The following IQCM variants were observed in gnomAD, a reference collection of about 807,000 sequenced individuals.
IQCM encodes IQ domain-containing protein M.
IQCM carries 45 observed loss-of-function variants against 57.6 expected under a neutral mutation model. That is an observed-to-expected ratio of 0.78 (90% CI 0.62 to 1.00). The LOEUF is 1.00. Among genes scored for constraint, IQCM ranks in the 50% least tolerant of loss-of-function variants. The pLI, the probability that IQCM is intolerant of heterozygous loss-of-function variation, is 0.00. For missense variants in IQCM, 468 were observed against 511.6 expected, an observed-to-expected ratio of 0.91 and a Z score of 0.82; for synonymous variants, 148 against 158.9, an observed-to-expected ratio of 0.93 and a Z score of 0.51.
intron 13 of IQCM, among the ~76,000 whole-genome samples, chr4:149,360,503 C>A (rs994835922): frequency 6.6e-6 from 1 of 152,090 alleles, no homozygotes; most frequent in Non-Finnish European, 1.5e-5. Context: ...TGTGTCCCCA[C>A]CAAAATCTCA....
intron 2 of IQCM, among the ~76,000 whole-genome samples, chr4:149,787,941 A>T (rs1211275200): frequency 6.6e-6 from 1 of 152,210 alleles, no homozygotes; most frequent in Non-Finnish European, 1.5e-5. Flanking sequence ...TGACAAAATA[A>T]TATTCAGAAT....
intron 13 of IQCM, among the ~76,000 whole-genome samples, chr4:149,429,179 G>A (rs954669374): frequency 1.3e-5 from 2 of 151,630 alleles, no homozygotes; most frequent in African/African-American, 2.4e-5. Context: ...AAAGCTTAAC[G>A]AAGGAGAGAA....
intron 13 of IQCM, among the ~76,000 whole-genome samples, chr4:149,410,420 C>CTGTG (rs34376171): frequency 1.9e-4 from 28 of 147,638 alleles, no homozygotes; most frequent in South Asian, 6.5e-4. Context: ...ATACACACAC[C>CTGTG]TGTGTGTGTG....
chr4:149,432,357 T>G (rs1734952041), intron 13 of IQCM, among the ~76,000 whole-genome samples: 1 of 152,022 alleles, frequency 6.6e-6, no homozygotes, highest in Non-Finnish European at 1.5e-5. Flanking sequence ...ATATCTTCTT[T>G]GACTATTTGG....
chr4:149,530,824 A>G (rs1488062809), intron 12 of IQCM, among the ~76,000 whole-genome samples: 6 of 76,858 alleles, frequency 7.8e-5, no homozygotes, highest in African/African-American at 3.1e-4. Flanking sequence ...ACATACACAC[A>G]CTAATTGCGT....
intron 13 of IQCM, among the ~76,000 whole-genome samples, chr4:149,388,707 A>G (rs1731623725): frequency 6.9e-6 from 1 of 144,252 alleles, no homozygotes; most frequent in Non-Finnish European, 1.5e-5. Flanking sequence ...CCTTTCTCTG[A>G]TTATATATGT....
At chr4:149,522,162 G>A (rs961536241) in intron 12 of IQCM, among the ~76,000 whole-genome samples, 1 of 152,164 alleles carries the variant, frequency 6.6e-6, no homozygotes, top group Admixed American at 6.5e-5. Flanking sequence ...GGAACAGACA[G>A]AGTTATTCTA....
chr4:149,570,697 A>G (rs200258959), intron 9 of IQCM, among the ~76,000 whole-genome samples: 2 of 152,218 alleles, frequency 1.3e-5, no homozygotes, highest in East Asian at 3.9e-4. Flanking sequence ...TTAGTATCAT[A>G]TGATTCTAGT....
chr4:149,651,958 C>A (rs1363229174), intron 7 of IQCM, among the ~76,000 whole-genome samples: 1 of 152,142 alleles, frequency 6.6e-6, no homozygotes, highest in Non-Finnish European at 1.5e-5. Context: ...TGGGTATATA[C>A]CCAAAGGATG....
chr4:149,516,470 T>A (rs1322810345), intron 12 of IQCM, among the ~76,000 whole-genome samples: 1 of 152,186 alleles, frequency 6.6e-6, no homozygotes, highest in Non-Finnish European at 1.5e-5. Context: ...ATGTTCCCCA[T>A]CATCCTGAAG....
intron 2 of IQCM, among the ~76,000 whole-genome samples, chr4:149,801,121 C>T (rs1773564971): frequency 6.6e-6 from 1 of 151,806 alleles, no homozygotes; most frequent in African/African-American, 2.4e-5. Context: ...AAATGACAAA[C>T]AGGCATATGA....
intron 12 of IQCM, among the ~76,000 whole-genome samples, chr4:149,505,044 CTG>C (rs1743646736): frequency 6.6e-6 from 1 of 152,094 alleles, no homozygotes; most frequent in Non-Finnish European, 1.5e-5. Flanking sequence ...AAAAAAAATT[CTG>C]TTGATCATAA....
chr4:149,381,743 AT>A (rs1731092750), intron 13 of IQCM, among the ~76,000 whole-genome samples: 1 of 151,538 alleles, frequency 6.6e-6, no homozygotes, highest in East Asian at 2.0e-4. Flanking sequence ...GTATGTATGT[AT>A]GTATGTATGT....
intron 7 of IQCM, among the ~76,000 whole-genome samples, chr4:149,680,818 A>C (rs989927300): frequency 8.6e-5 from 13 of 151,416 alleles, no homozygotes; most frequent in African/African-American, 3.1e-4. Flanking sequence ...AGGATTCTCT[A>C]AAATATTTTA....
At chr4:149,377,565 T>C (rs1730783734) in intron 13 of IQCM, among the ~76,000 whole-genome samples, 1 of 152,186 alleles carries the variant, frequency 6.6e-6, no homozygotes, top group South Asian at 2.1e-4. Flanking sequence ...CAGTACTGTG[T>C]CTTTAAATAT....
chr4:149,443,867 A>G (rs1164465446), intron 12 of IQCM, among the ~76,000 whole-genome samples: 1 of 151,896 alleles, frequency 6.6e-6, no homozygotes, highest in South Asian at 2.1e-4. Context: ...TTAACTATTA[A>G]TTTTTTTCAT....
At chr4:149,812,078 T>C (rs1465834331) in intron 2 of IQCM, among the ~76,000 whole-genome samples, 1 of 152,190 alleles carries the variant, frequency 6.6e-6, no homozygotes, top group African/African-American at 2.4e-5. Flanking sequence ...AAATGCCCTT[T>C]TCCAGTTTTA....
At chr4:149,744,320 C>T (rs1425208540) in intron 2 of IQCM, among the ~76,000 whole-genome samples, 1 of 152,208 alleles carries the variant, frequency 6.6e-6, no homozygotes, top group Non-Finnish European at 1.5e-5. Flanking sequence ...CAGCAATTAA[C>T]AATCAGAACT....
At chr4:149,800,213 A>G (rs1169268763) in intron 2 of IQCM, among the ~76,000 whole-genome samples, 1 of 152,030 alleles carries the variant, frequency 6.6e-6, no homozygotes, top group Non-Finnish European at 1.5e-5. Context: ...AATCAATGTG[A>G]TACATCATAT....
Sources: gnomAD v4.1 joint callset for allele counts (sites outside exome capture counted in the v4.1 genomes callset) on GRCh38, gnomAD v4.1.1 for gene constraint, MANE v1.5 for transcripts, NCBI Gene and HGNC (gene_info 2026-07-23, HGNC 2026-07-21) for gene names.